Variants in TLK1 observed in about 807,000 individuals in gnomAD.
TLK1 encodes serine/threonine-protein kinase tousled-like 1.
TLK1 carries 24 observed loss-of-function variants against 105.3 expected under a neutral mutation model. The observed-to-expected ratio is 0.23, with a 90% CI of 0.17 to 0.32. The LOEUF (loss-of-function observed/expected upper bound fraction) is 0.32. Ranked by LOEUF, TLK1 falls within the 10% of genes least tolerant of loss-of-function variation. The pLI, the probability that TLK1 is intolerant of heterozygous loss-of-function variation, is 1.00. For synonymous variants in TLK1, 321 were observed against 310.4 expected (o/e 1.03, Z -0.36); for missense variants, 558 against 910.5 (o/e 0.61, Z 4.98).
intron 1 of TLK1, among the ~76,000 whole-genome samples, chr2:171,136,776 G>T (rs1269638118): frequency 6.6e-6 from 1 of 152,166 alleles, no homozygotes; most frequent in Non-Finnish European, 1.5e-5. Context: ...GGATAGCTGG[G>T]TAACTAGAAG....
In TLK1 at chr2:171,160,145, G is replaced by C. The variant is rs1049937541; in HGVS notation, c.139+145C>G. On this transcript the variant is annotated intron_variant, in intron 1 of 20. Coordinates refer to ENST00000431350, the MANE Select transcript of TLK1 (RefSeq NM_012290.5). The surrounding 1 kb of genome is among the most constrained non-coding windows in gnomAD (Gnocchi z 4.4). ...CTACCTCCCCAGAGCCGGGGAGCCG[G>C]GCGGCCTCGCGTCCACCTCGCCACC... 1 of 910,802 alleles carries C rather than the reference G, an allele frequency of 1.1e-6. No individual in the cohort carries two copies. The highest frequency in any genetic ancestry group is 1.4e-6 in the Non-Finnish European group (1 of 693,236). The allele number at this position is 910,802 out of a possible 1,614,324, so 56.4% of individuals were successfully genotyped here. A position where few individuals can be genotyped will look rare whatever the true frequency, so the allele number is the denominator to read the frequency against.
chr2:171,138,100 T>A (rs1223847349), intron 1 of TLK1, among the ~76,000 whole-genome samples: 1 of 152,164 alleles, frequency 6.6e-6, no homozygotes. Flanking sequence ...TTTTATCACT[T>A]TCTTAAAAGC....
At chr2:171,029,763 C>T (rs551612932) in intron 11 of TLK1, among the ~76,000 whole-genome samples, 3 of 152,178 alleles carry the variant, frequency 2.0e-5, no homozygotes, top group African/African-American at 7.2e-5. Context: ...TACAACAAGG[C>T]TTATTAGGGT....
At chr2:171,089,981 A>T (rs952258525) in intron 2 of TLK1, among the ~76,000 whole-genome samples, 1 of 151,906 alleles carries the variant, frequency 6.6e-6, no homozygotes, top group Non-Finnish European at 1.5e-5. Flanking sequence ...GTTACTTTCC[A>T]CCCTCCCCAA....
At chr2:171,161,055 G>A (rs928858085), upstream of TLK1, among the ~76,000 whole-genome samples, 1 of 141,928 alleles carries the variant, frequency 7.0e-6, no homozygotes, top group Non-Finnish European at 1.6e-5. Flanking sequence ...GGGGCATGGG[G>A]AAGGAGCGAG....
At chr2:171,044,297 T>G (rs568393631) in intron 11 of TLK1, among the ~76,000 whole-genome samples, 1 of 152,064 alleles carries the variant, frequency 6.6e-6, no homozygotes, top group Non-Finnish European at 1.5e-5. Flanking sequence ...AATCTGTACT[T>G]AAAATGTTAA....
intron 3 of TLK1, among the ~76,000 whole-genome samples, chr2:171,082,099 C>A (rs1395062117): frequency 6.6e-6 from 1 of 151,796 alleles, no homozygotes; most frequent in Admixed American, 6.6e-5. Context: ...AAAGGCTATA[C>A]CCACAAGAGT....
At chr2:171,227,823 C>G (rs187051748) in intron 1 of TLK1, among the ~76,000 whole-genome samples, 29 of 152,046 alleles carry the variant, frequency 1.9e-4, no homozygotes, top group African/African-American at 6.5e-4. Context: ...GAGAACAATA[C>G]CCTGGAGTAT....
intron 1 of TLK1, among the ~76,000 whole-genome samples, chr2:171,158,510 A>C (rs1474591034): frequency 6.6e-6 from 1 of 152,240 alleles, no homozygotes; most frequent in Non-Finnish European, 1.5e-5. Flanking sequence ...CTGATAACAG[A>C]TATCAAGAGA....
At chr2:171,117,090 G>A (rs1382854017) in intron 2 of TLK1, among the ~76,000 whole-genome samples, 2 of 152,160 alleles carry the variant, frequency 1.3e-5, no homozygotes, top group African/African-American at 2.4e-5. Flanking sequence ...TTTCATGGAA[G>A]ACAATTTTTC....
intron 3 of TLK1, among the ~76,000 whole-genome samples, chr2:171,071,160 A>G (rs1162917088): frequency 6.6e-6 from 1 of 152,128 alleles, no homozygotes; most frequent in African/African-American, 2.4e-5. Flanking sequence ...CTCCTCATAT[A>G]TTCTAGTTAT....
At chr2:171,026,093 A>C (rs906635101) in intron 12 of TLK1, among the ~76,000 whole-genome samples, 5 of 152,194 alleles carry the variant, frequency 3.3e-5, no homozygotes, top group Admixed American at 6.5e-5. Context: ...GTTAAAAAGA[A>C]GATAAAGTTA....
At chr2:171,033,294 C>G (rs1265169058) in intron 11 of TLK1, among the ~76,000 whole-genome samples, 1 of 151,952 alleles carries the variant, frequency 6.6e-6, no homozygotes, top group Non-Finnish European at 1.5e-5. Flanking sequence ...AGATTTGTCA[C>G]CAAAAGCATA....
chr2:171,009,957 C>G (rs1196165394), intron 14 of TLK1, among the ~76,000 whole-genome samples: 1 of 152,118 alleles, frequency 6.6e-6, no homozygotes, highest in Non-Finnish European at 1.5e-5. Flanking sequence ...GAGCATATAA[C>G]CCTTCACTAG....
intron 1 of TLK1, among the ~76,000 whole-genome samples, chr2:171,119,695 A>G (rs1690573245): frequency 6.6e-6 from 1 of 152,230 alleles, no homozygotes; most frequent in South Asian, 2.1e-4. Flanking sequence ...GATTTTCAGT[A>G]AGAACACCAA....
rs139500914 is a variant in TLK1 at position 171,170,863 on chromosome 2, T to G, written c.-5-53006A>C. 1.2e-4 allele frequency among the ~76,000 whole-genome samples: 18 copies of G among 152,262 alleles called. No homozygotes were observed. In the East Asian group the frequency reaches 3.5e-3, roughly 29 times the overall value. On this transcript the variant is annotated intron_variant, in intron 1 of 20. Transcript: ENST00000521943. ...CAATGAAGTACTACTTTTCATCAAT[T>G]AAACTAAAAAGAAAAACTTAGAATA...
At chr2:171,033,389 T>C (rs1686143958) in intron 11 of TLK1, among the ~76,000 whole-genome samples, 1 of 151,120 alleles carries the variant, frequency 6.6e-6, no homozygotes, top group South Asian at 2.1e-4. Context: ...TTCATGGAGA[T>C]AGAGAGTAGG....
At chr2:171,128,864 G>A (rs1313987980) in intron 1 of TLK1, among the ~76,000 whole-genome samples, 1 of 152,028 alleles carries the variant, frequency 6.6e-6, no homozygotes, top group Non-Finnish European at 1.5e-5. Context: ...TAAAAATAAA[G>A]AAATTGAGAC....
chr2:171,107,415 G>A (rs1212051227), intron 2 of TLK1, among the ~76,000 whole-genome samples: 1 of 152,196 alleles, frequency 6.6e-6, no homozygotes, highest in Admixed American at 6.5e-5. Context: ...GAAAACATAT[G>A]ATCCTTGCCT....
Sources: gnomAD v4.1 joint callset for allele counts (sites outside exome capture counted in the v4.1 genomes callset) on GRCh38, gnomAD v4.1.1 for gene constraint, Gnocchi (gnomAD v3.1) non-coding constraint, MANE v1.5 for transcripts, NCBI Gene and HGNC (gene_info 2026-07-23, HGNC 2026-07-21) for gene names.